Variants in IFTAP observed in about 807,000 individuals in gnomAD.
The protein encoded by IFTAP is intraflagellar transport associated protein, also known as intraflagellar transport-associated protein.
IFTAP carries 19 observed loss-of-function variants against 19.4 expected under a neutral mutation model. That is an observed-to-expected ratio of 0.98 (90% CI 0.68 to 1.44). The LOEUF is 1.44. Ranked by LOEUF, IFTAP falls within the 40% of genes most tolerant of loss-of-function variation. The pLI is 0.00. For missense variants in IFTAP, 240 were observed against 253.6 expected (o/e 0.95, Z 0.36); for synonymous variants, 85 against 83.5 (o/e 1.02, Z -0.10).
chr11:36,648,463 C>T (rs1853581393), intron 5 of IFTAP: 1 of 226,244 alleles, frequency 4.4e-6, no homozygotes, highest in Non-Finnish European at 8.6e-6. Flanking sequence ...TTAGTTTGAA[C>T]TGGCCGTTTT....
intron 1 of IFTAP, among the ~76,000 whole-genome samples, chr11:36,602,927 A>G (rs1384031947): frequency 6.6e-6 from 1 of 152,228 alleles, no homozygotes; most frequent in Admixed American, 6.5e-5. Flanking sequence ...TATATCCTAC[A>G]GATTCCATGT....
In IFTAP at chr11:36,622,902, A is replaced by G. The variant is rs575233899; in HGVS notation, c.137-10382A>G. On this transcript the variant is annotated intron_variant, in intron 2 of 5. Transcript: ENST00000334307. Reference sequence around the variant, plus strand: ...AGTACATATTGTATTGTGTACATGTACGTGGTATATTGTATGGTGTAAGAG... The same window carrying G: ...AGTACATATTGTATTGTGTACATGTGCGTGGTATATTGTATGGTGTAAGAG... Among the ~76,000 whole-genome samples the G allele has an allele frequency of 3.3e-5, 5 of 152,280 alleles. No homozygotes were observed. The South Asian group carries it at 1.0e-3, about 32-fold the overall frequency.
intron 2 of IFTAP, among the ~76,000 whole-genome samples, chr11:36,622,260 GAA>G (rs1290139414): frequency 6.6e-6 from 1 of 151,788 alleles, no homozygotes; most frequent in Non-Finnish European, 1.5e-5. Flanking sequence ...TAGAAAGTTT[GAA>G]AACTTCTTCT....
intron 2 of IFTAP, among the ~76,000 whole-genome samples, chr11:36,621,132 G>T (rs752568279): frequency 2.0e-5 from 3 of 151,852 alleles, no homozygotes; most frequent in Non-Finnish European, 4.4e-5. Context: ...TTTATTCGTT[G>T]TTGCTAAGTG....
At chr11:36,658,979 T>C (rs754772260) in intron 5 of IFTAP, 40 bp from the exon 6 acceptor site, 5 of 1,414,932 alleles carry the variant, frequency 3.5e-6, no homozygotes, top group Admixed American at 2.4e-5. Flanking sequence ...TCATTTACAA[T>C]GATTGTGTAT....
At chr11:36,597,154 G>A (rs1851302447) in intron 1 of IFTAP, among the ~76,000 whole-genome samples, 1 of 152,118 alleles carries the variant, frequency 6.6e-6, no homozygotes. Context: ...AGAATAAACA[G>A]GAACATTGAA....
chr11:36,600,593 G>A (rs536680385), intron 1 of IFTAP, among the ~76,000 whole-genome samples: 5 of 152,162 alleles, frequency 3.3e-5, no homozygotes, highest in African/African-American at 4.8e-5. Context: ...TCTCTGGTGC[G>A]AAAAAGGTTG....
At chr11:36,617,530 T>C (rs185480007) in intron 2 of IFTAP, among the ~76,000 whole-genome samples, 2 of 152,062 alleles carry the variant, frequency 1.3e-5, no homozygotes, top group East Asian at 3.9e-4. Context: ...GATGTACCAC[T>C]AGTTTTGAGA....
intron 1 of IFTAP, among the ~76,000 whole-genome samples, chr11:36,599,029 T>C (rs1851401593): frequency 2.0e-5 from 3 of 152,246 alleles, no homozygotes; most frequent in African/African-American, 4.8e-5. Context: ...AGTCCCGCTC[T>C]GTCTCCCAGG....
intron 1 of IFTAP, among the ~76,000 whole-genome samples, chr11:36,604,375 T>G (rs903341215): frequency 1.3e-5 from 2 of 152,244 alleles, no homozygotes; most frequent in Non-Finnish European, 2.9e-5. Flanking sequence ...GCTCATAACT[T>G]GAAGTGCAGC....
At chr11:36,628,702 G>C (rs1761733012) in intron 2 of IFTAP, among the ~76,000 whole-genome samples, 1 of 151,138 alleles carries the variant, frequency 6.6e-6, no homozygotes, top group Non-Finnish European at 1.5e-5. Context: ...ATTACACTCT[G>C]TTCATATTTT....
At chr11:36,598,127 C>T (rs1235041272) in intron 1 of IFTAP, 1 of 152,056 alleles carries the variant, frequency 6.6e-6, no homozygotes, top group East Asian at 1.9e-4. Flanking sequence ...GCTGCTCACG[C>T]CTCTCTGAAT....
chr11:36,606,111 T>C (rs1851682794), intron 1 of IFTAP, among the ~76,000 whole-genome samples: 1 of 152,242 alleles, frequency 6.6e-6, no homozygotes. Flanking sequence ...ATGGGTATTG[T>C]TAAACTCTTC....
Position 36,639,246 on chromosome 11 carries a change from CA to C in IFTAP, c.358+3131del, listed in dbSNP as rs1288958188. ...CTTTTCTGGTCAAGTGCAAGTAGCT[CA>C]AGAGACTTTTTTTTTTTTTTAATCT... On this transcript the variant is annotated intron_variant, in intron 4 of 5. Coordinates refer to ENST00000334307, the MANE Select transcript of IFTAP (RefSeq NM_138787.4). Among the ~76,000 whole-genome samples the C allele has an allele frequency of 1.1e-4, 16 of 148,338 alleles. No individual in the cohort carries two copies. The East Asian group carries it at 2.9e-3, about 27-fold the overall frequency.
In IFTAP at chr11:36,638,437, G is replaced by C. The variant is rs375438192; in HGVS notation, c.358+2320G>C. On this transcript the variant is annotated intron_variant, in intron 4 of 5. Coordinates refer to ENST00000334307, the MANE Select transcript of IFTAP (RefSeq NM_138787.4). ...ACTCGTCAAGACCTTCCCACACATAGAATGATGTGTGAAGCCTATGCTGAA... is the reference window on the plus strand; with the variant it reads ...ACTCGTCAAGACCTTCCCACACATACAATGATGTGTGAAGCCTATGCTGAA... Among the ~76,000 whole-genome samples, 3 of 152,116 alleles carry C rather than the reference G, an allele frequency of 2.0e-5. No individual in the cohort carries two copies. The South Asian group carries it at 6.2e-4, about 32-fold the overall frequency.
chr11:36,611,848 G>A (rs924718634), intron 2 of IFTAP, among the ~76,000 whole-genome samples: 12 of 152,020 alleles, frequency 7.9e-5, no homozygotes, highest in Non-Finnish European at 1.5e-5. Context: ...CTGGGTTTAG[G>A]AAGATACCTG....
intron 2 of IFTAP, among the ~76,000 whole-genome samples, chr11:36,626,338 T>G (rs923501714): frequency 6.6e-6 from 1 of 151,354 alleles, no homozygotes; most frequent in African/African-American, 2.5e-5. Flanking sequence ...ATGTAAAGTG[T>G]TATGTCTTTG....
chr11:36,648,345 T>G, intron 5 of IFTAP, 190 bp downstream of exon 5: 1 of 671,898 alleles, frequency 1.5e-6, no homozygotes. Context: ...ATAGAGCAAT[T>G]ATGTTTTTAT....
chr11:36,595,203 A>G (rs1168411409), intron 1 of IFTAP: 1 of 152,190 alleles, frequency 6.6e-6, no homozygotes. Context: ...ATTCTAGGAA[A>G]ATAGAGTTAG....
Sources: gnomAD v4.1 joint callset for allele counts (sites outside exome capture counted in the v4.1 genomes callset) on GRCh38, gnomAD v4.1.1 for gene constraint, MANE v1.5 for transcripts, NCBI Gene and HGNC (gene_info 2026-07-23, HGNC 2026-07-21) for gene names.